CDH19: variants seen among roughly 807,000 people sequenced by gnomAD.
The protein encoded by CDH19 is cadherin-19.
Under a neutral mutation model 64.2 loss-of-function variants are expected in CDH19, and 67 were observed. The observed-to-expected ratio is 1.04, with a 90% CI of 0.86 to 1.28. The LOEUF (loss-of-function observed/expected upper bound fraction) is 1.28, where lower values mean the gene tolerates loss of function less well. Ranked by LOEUF, CDH19 falls within the 50% of genes most tolerant of loss-of-function variation. CDH19 has a pLI of 0.00. For missense variants in CDH19, 1,030 were observed against 929.0 expected (o/e 1.11, Z -1.41); for synonymous variants, 346 against 319.3 (o/e 1.08, Z -0.89).
chr18:66,551,528 T>G (rs1987344120), intron 4 of CDH19, among the ~76,000 whole-genome samples: 1 of 152,058 alleles, frequency 6.6e-6, no homozygotes, highest in Non-Finnish European at 1.5e-5. Flanking sequence ...AAAGAATGTC[T>G]TGTTTTTACT....
intron 9 of CDH19, among the ~76,000 whole-genome samples, chr18:66,512,386 C>A (rs1985532516): frequency 1.3e-5 from 2 of 151,364 alleles, no homozygotes; most frequent in South Asian, 4.2e-4. Context: ...GATATGCTGT[C>A]AAGATCACAT....
chr18:66,560,396 T>C (rs1206228351), intron 3 of CDH19, among the ~76,000 whole-genome samples: 1 of 152,026 alleles, frequency 6.6e-6, no homozygotes, highest in South Asian at 2.1e-4. Flanking sequence ...AACACCAATT[T>C]TGTGATATAA....
At chr18:66,543,738 C>T (rs568744210) in intron 7 of CDH19, among the ~76,000 whole-genome samples, 2 of 152,106 alleles carry the variant, frequency 1.3e-5, no homozygotes, top group Non-Finnish European at 2.9e-5. Flanking sequence ...CAAAAATTAG[C>T]TGGGCGTGGT....
chr18:66,602,914 G>A (rs10445507), intron 1 of CDH19, among the ~76,000 whole-genome samples: 50,808 of 151,088 alleles, frequency 0.34, 9,949 homozygotes, highest in Non-Finnish European at 0.45. Context: ...TAGGCATACT[G>A]CTGATAATTA....
chr18:66,544,646 A>G (rs1987029880), intron 6 of CDH19, 73 bp downstream of exon 6: 2 of 1,030,878 alleles, frequency 1.9e-6, no homozygotes, highest in South Asian at 3.7e-5. Flanking sequence ...GTTAAAAACT[A>G]ACCAGCTACA....
chr18:66,588,491 C>T (rs1028831408), intron 1 of CDH19, among the ~76,000 whole-genome samples: 5 of 151,468 alleles, frequency 3.3e-5, no homozygotes, highest in African/African-American at 4.8e-5. Context: ...GTGATCCTGA[C>T]AATCTTTGTT....
At chr18:66,530,550 A>T (rs1311866670) in intron 8 of CDH19, among the ~76,000 whole-genome samples, 1 of 152,112 alleles carries the variant, frequency 6.6e-6, no homozygotes, top group African/African-American at 2.4e-5. Context: ...TAAAGTTTTT[A>T]TATAAACATT....
chr18:66,505,562 T>TTA (rs1985156308), intron 11 of CDH19, among the ~76,000 whole-genome samples: 2 of 89,038 alleles, frequency 2.2e-5, no homozygotes, highest in African/African-American at 6.9e-5. Context: ...TATATATTAA[T>TTA]ATATATATAA....
chr18:66,504,737 G>T lies in CDH19; in HGVS notation c.*75C>A. The T allele has an allele frequency of 6.9e-7, 1 of 1,451,042 alleles. No individual in the cohort carries two copies. 89.9% of individuals were successfully genotyped at this position (1,451,042 alleles called of 1,614,324 possible). ...GGGCTTTCCCCGCCATAGAGCCAGG[G>T]CACAAAACTCTTTAAGACTACCATT... On this transcript the variant is annotated 3_prime_UTR_variant, in exon 12 of 12. Transcript: ENST00000262150.
chr18:66,583,244 TA>T lies in CDH19; in HGVS notation c.-112-10929del, dbSNP rs553055261. On this transcript the variant is annotated intron_variant, in intron 1 of 11. Coordinates refer to ENST00000262150, the MANE Select transcript of CDH19 (RefSeq NM_021153.4). Reference sequence around the variant, plus strand: ...AGCATTGATAATTATATTCTTTGTTTAAAAAACATAGTGACAGGAATAGAAT... The same window carrying T: ...AGCATTGATAATTATATTCTTTGTTTAAAAACATAGTGACAGGAATAGAAT... Among the ~76,000 whole-genome samples the T allele has an allele frequency of 1.6e-4, 24 of 152,232 alleles. 1 individual carries two copies. The South Asian group carries it at 4.6e-3, about 29-fold the overall frequency.
rs1283238030 is a variant in CDH19 at position 66,502,616 on chromosome 18, A to C, written c.*2196T>G. ...AATAAAGGAAACAACACTTCATGGA[A>C]TAATTCATGAAAATTTCTCTGACTA... On this transcript the variant is annotated 3_prime_UTR_variant, in exon 12 of 12. Transcript: ENST00000262150. 1 of 151,976 alleles carries C rather than the reference A, an allele frequency of 6.6e-6. No individual in the cohort carries two copies. Among genetic ancestry groups the C allele is most frequent in the Non-Finnish European group, 1.5e-5 (1 of 67,904 alleles). 9.4% of individuals were successfully genotyped at this position (151,976 alleles called of 1,614,324 possible).
intron 1 of CDH19, among the ~76,000 whole-genome samples, chr18:66,579,159 G>A (rs115658413): frequency 0.015 from 2,320 of 151,930 alleles, 51 homozygotes; most frequent in African/African-American, 0.054. Flanking sequence ...CATTAATGTT[G>A]TTAAAAATCT....
chr18:66,555,888 C>A (rs1382762198), intron 3 of CDH19, among the ~76,000 whole-genome samples: 1 of 151,698 alleles, frequency 6.6e-6, no homozygotes, highest in Non-Finnish European at 1.5e-5. Context: ...AAGGGGTTCC[C>A]ATCCCTGGTT....
At chr18:66,524,211 G>C (rs1473256571) in intron 9 of CDH19, among the ~76,000 whole-genome samples, 1 of 151,650 alleles carries the variant, frequency 6.6e-6, no homozygotes, top group Non-Finnish European at 1.5e-5. Flanking sequence ...ACTTGTGCGT[G>C]TGTGTGTGCA....
chr18:66,528,661 ATT>A (rs1986317717), intron 9 of CDH19, among the ~76,000 whole-genome samples: 1 of 152,152 alleles, frequency 6.6e-6, no homozygotes. Flanking sequence ...TTCAAGAAAT[ATT>A]GACAATTTTC....
intron 7 of CDH19, among the ~76,000 whole-genome samples, chr18:66,535,357 CT>C (rs1332680171): frequency 2.0e-5 from 3 of 151,364 alleles, no homozygotes; most frequent in Non-Finnish European, 4.4e-5. Context: ...GATTGTGAAT[CT>C]TTTTTTCCTA....
intron 2 of CDH19, among the ~76,000 whole-genome samples, chr18:66,570,016 G>T (rs1988051817): frequency 6.6e-6 from 1 of 151,552 alleles, no homozygotes. Context: ...ATAACATCCA[G>T]ATTGTCTTTC....
At chr18:66,530,447 T>C (rs1421069686) in intron 8 of CDH19, among the ~76,000 whole-genome samples, 1 of 152,072 alleles carries the variant, frequency 6.6e-6, no homozygotes, top group Non-Finnish European at 1.5e-5. Flanking sequence ...AAAAAAATTC[T>C]GTGAACCACT....
chr18:66,510,657 T>C (rs1480918996), intron 10 of CDH19, among the ~76,000 whole-genome samples: 1 of 149,462 alleles, frequency 6.7e-6, no homozygotes, highest in Admixed American at 6.7e-5. Flanking sequence ...TAAGAGTTTG[T>C]TACATGGCTA....
Sources: gnomAD v4.1 joint callset for allele counts (sites outside exome capture counted in the v4.1 genomes callset) on GRCh38, gnomAD v4.1.1 for gene constraint, MANE v1.5 for transcripts, NCBI Gene and HGNC (gene_info 2026-07-23, HGNC 2026-07-21) for gene names.